LSAMP: variants seen among roughly 807,000 people sequenced by gnomAD.
The protein encoded by LSAMP is limbic system-associated membrane protein.
A neutral mutation model predicts 38.6 loss-of-function variants in LSAMP; 7 were observed. The observed-to-expected ratio is 0.18, with a 90% CI of 0.10 to 0.34. The LOEUF (loss-of-function observed/expected upper bound fraction) is 0.34, where lower values mean the gene tolerates loss of function less well. Among genes scored for constraint, LSAMP ranks in the 10% least tolerant of loss-of-function variants. The pLI, the probability that LSAMP is intolerant of heterozygous loss-of-function variation, is 1.00. For missense variants in LSAMP, 313 were observed against 420.0 expected, an observed-to-expected ratio of 0.75 and a Z score of 2.23; for synonymous variants, 154 against 166.8, an observed-to-expected ratio of 0.92 and a Z score of 0.59.
chr3:115,989,588 G>GA (rs1377071082), intron 3 of LSAMP, among the ~76,000 whole-genome samples: 1 of 151,902 alleles, frequency 6.6e-6, no homozygotes, highest in Non-Finnish European at 1.5e-5. Context: ...TAGTGCTAAA[G>GA]AAAAAAATGC....
chr3:115,940,406 C>T (rs1281732577), intron 3 of LSAMP, among the ~76,000 whole-genome samples: 2 of 150,714 alleles, frequency 1.3e-5, no homozygotes, highest in Non-Finnish European at 3.0e-5. Flanking sequence ...TTACAGAGTG[C>T]TAATTGGTGC....
chr3:116,074,108 C>T (rs1707676519), intron 2 of LSAMP, among the ~76,000 whole-genome samples: 1 of 152,146 alleles, frequency 6.6e-6, no homozygotes, highest in African/African-American at 2.4e-5. Context: ...AATAGATTCT[C>T]CTTGGTTTTG....
chr3:115,834,966 G>A (rs1187470239), intron 6 of LSAMP, among the ~76,000 whole-genome samples: 2 of 151,994 alleles, frequency 1.3e-5, no homozygotes, highest in Admixed American at 1.3e-4. Context: ...TCTTGGTCTT[G>A]GTTCTCGTCT....
chr3:116,357,612 A>T (rs563958130), intron 1 of LSAMP, among the ~76,000 whole-genome samples: 24 of 152,340 alleles, frequency 1.6e-4, no homozygotes, highest in Non-Finnish European at 3.2e-4. Context: ...ACAATAAAAA[A>T]AGTTCAAATA....
intron 6 of LSAMP, among the ~76,000 whole-genome samples, chr3:115,822,858 T>C (rs1206730295): frequency 1.3e-5 from 2 of 152,218 alleles, no homozygotes; most frequent in African/African-American, 4.8e-5. Flanking sequence ...TTCTTTATAG[T>C]TGTCTGTGAC....
At chr3:115,931,386 A>T (rs1404264258) in intron 3 of LSAMP, among the ~76,000 whole-genome samples, 1 of 152,210 alleles carries the variant, frequency 6.6e-6, no homozygotes, top group Non-Finnish European at 1.5e-5. Context: ...CCCCCAGCTG[A>T]GTGACCTGCT....
At chr3:116,047,790 A>T (rs979740680) in intron 2 of LSAMP, among the ~76,000 whole-genome samples, 2 of 152,214 alleles carry the variant, frequency 1.3e-5, no homozygotes, top group Non-Finnish European at 2.9e-5. Flanking sequence ...AATTATATGT[A>T]TCATGTACAA....
chr3:116,312,735 C>T (rs906389664), intron 1 of LSAMP, among the ~76,000 whole-genome samples: 4 of 151,924 alleles, frequency 2.6e-5, no homozygotes, highest in Non-Finnish European at 5.9e-5. Context: ...AACTAGAGAG[C>T]GAAAGAAGCC....
intron 3 of LSAMP, among the ~76,000 whole-genome samples, chr3:115,949,125 G>A (rs2107573958): frequency 6.6e-6 from 1 of 152,266 alleles, no homozygotes; most frequent in East Asian, 1.9e-4. Flanking sequence ...CAGGCATGGT[G>A]GTGCATGCCT....
intron 1 of LSAMP, among the ~76,000 whole-genome samples, chr3:116,309,018 G>A (rs1317667716): frequency 6.6e-6 from 1 of 152,018 alleles, no homozygotes; most frequent in Admixed American, 6.6e-5. Context: ...TCATTCTACA[G>A]CAAGGCAGTT....
intron 1 of LSAMP, among the ~76,000 whole-genome samples, chr3:116,149,534 G>T (rs963880398): frequency 6.6e-6 from 1 of 151,956 alleles, no homozygotes; most frequent in African/African-American, 2.4e-5. Context: ...TGTCAGCGAG[G>T]TCTAATGCAC....
chr3:115,852,724 T>G, intron 3 of LSAMP, 107 bp from the exon 4 acceptor site: 2 of 1,132,052 alleles, frequency 1.8e-6, no homozygotes, highest in South Asian at 3.8e-5. Flanking sequence ...TTTCAATGAT[T>G]TGAAAATGTA....
intron 1 of LSAMP, among the ~76,000 whole-genome samples, chr3:116,088,124 C>G (rs778017988): frequency 1.6e-4 from 24 of 152,032 alleles, no homozygotes; most frequent in Non-Finnish European, 1.6e-4. Context: ...AGTGATCTTC[C>G]CAACTTGGCC....
chr3:116,098,114 T>C (rs1264175559), intron 1 of LSAMP, among the ~76,000 whole-genome samples: 1 of 152,058 alleles, frequency 6.6e-6, no homozygotes, highest in African/African-American at 2.4e-5. Context: ...CTGAAGGAGA[T>C]ATAATCAAAC....
chr3:116,068,441 T>TAA (rs139620391), intron 2 of LSAMP, among the ~76,000 whole-genome samples: 11 of 149,842 alleles, frequency 7.3e-5, no homozygotes, highest in African/African-American at 2.4e-4. Context: ...GGATATGTGG[T>TAA]AAAAAAAAAA....
intron 3 of LSAMP, among the ~76,000 whole-genome samples, chr3:115,995,085 T>A (rs1337464717): frequency 6.6e-6 from 1 of 152,130 alleles, no homozygotes; most frequent in Non-Finnish European, 1.5e-5. Context: ...ATCTTGCTGG[T>A]CTATCTAAGC....
chr3:116,346,457 T>C (rs1168637100), intron 1 of LSAMP, among the ~76,000 whole-genome samples: 1 of 152,088 alleles, frequency 6.6e-6, no homozygotes, highest in Non-Finnish European at 1.5e-5. Context: ...GTGTCCACAG[T>C]AGCTGAGACC....
chr3:116,226,390 C>T (rs886762764), intron 1 of LSAMP, among the ~76,000 whole-genome samples: 2 of 152,300 alleles, frequency 1.3e-5, no homozygotes, highest in South Asian at 2.1e-4. Context: ...AATTTTCTTT[C>T]TGACACCCCT....
At chr3:116,148,225 T>G (rs57214128) in intron 1 of LSAMP, among the ~76,000 whole-genome samples, 5,114 of 151,692 alleles carry the variant, frequency 0.034, 222 homozygotes, top group African/African-American at 0.1. Context: ...ACAGAGGATT[T>G]TATTTGATTC....
Sources: gnomAD v4.1 joint callset for allele counts (sites outside exome capture counted in the v4.1 genomes callset) on GRCh38, gnomAD v4.1.1 for gene constraint, MANE v1.5 for transcripts, NCBI Gene and HGNC (gene_info 2026-07-23, HGNC 2026-07-21) for gene names.